DAGLA: variants seen among roughly 807,000 people sequenced by gnomAD.
DAGLA encodes the protein diacylglycerol lipase alpha.
In DAGLA, 22 loss-of-function variants were observed where a neutral mutation model predicts 102.6. That is an observed-to-expected ratio of 0.21 (90% CI 0.15 to 0.31). The LOEUF is 0.31. DAGLA is among the 10% of genes least tolerant of loss of function. The pLI is 1.00. For synonymous variants in DAGLA, 578 were observed against 628.9 expected (o/e 0.92, Z 1.21); for missense variants, 927 against 1,446.6 (o/e 0.64, Z 5.83).
intron 7 of DAGLA, among the ~76,000 whole-genome samples, 181 bp downstream of exon 7, chr11:61,728,468 C>G (rs1489289372): frequency 1.3e-5 from 2 of 152,218 alleles, no homozygotes; most frequent in Non-Finnish European, 2.9e-5. Flanking sequence ...TGAGCTTGTC[C>G]TTCGGCCAGG....
At chr11:61,716,089 T>G (rs997461288) in intron 1 of DAGLA, among the ~76,000 whole-genome samples, 1 of 151,938 alleles carries the variant, frequency 6.6e-6, no homozygotes. Context: ...CCCTTGTGAC[T>G]GGGAGGGGAG....
intron 1 of DAGLA, among the ~76,000 whole-genome samples, chr11:61,715,669 A>C (rs1221553920): frequency 2.0e-5 from 3 of 151,718 alleles, no homozygotes; most frequent in African/African-American, 7.3e-5. Flanking sequence ...CTGTTTGCTC[A>C]CTCCAGCCCT....
At chr11:61,721,726 T>A (rs2065284806) in intron 3 of DAGLA, among the ~76,000 whole-genome samples, 1 of 152,220 alleles carries the variant, frequency 6.6e-6, no homozygotes, top group South Asian at 2.1e-4. Context: ...TCTGGTCATT[T>A]GTAGTGAACA....
intron 1 of DAGLA, among the ~76,000 whole-genome samples, chr11:61,698,719 G>A (rs956708050): frequency 3.3e-5 from 5 of 152,210 alleles, no homozygotes; most frequent in Non-Finnish European, 5.9e-5. Flanking sequence ...TTGAGCAGCT[G>A]CTAGGCACCA....
chr11:61,732,507 GC>G (rs1442509764), intron 9 of DAGLA, among the ~76,000 whole-genome samples: 1 of 152,192 alleles, frequency 6.6e-6, no homozygotes, highest in Non-Finnish European at 1.5e-5. Flanking sequence ...AGCTCTTAGA[GC>G]CTTTGTTTCC....
chr11:61,746,798 G>A lies in DAGLA; in HGVS notation c.*2309G>A, dbSNP rs1462565038. The A allele has an allele frequency of 6.6e-6, 1 of 152,576 alleles. No homozygotes were observed. The highest frequency in any genetic ancestry group is 1.5e-5 in the Non-Finnish European group (1 of 68,046). The allele number at this position is 152,576 out of a possible 1,614,324, so 9.5% of individuals were successfully genotyped here. ...GGCGACTCCATATGCAATCAGTAGC[G>A]AGCAGCCGGGCCCCACAGACCCTCA... On this transcript the variant is annotated 3_prime_UTR_variant, in exon 20 of 20. Transcript: ENST00000257215.
rs908427222 is a variant in DAGLA at position 61,734,160 on chromosome 11, C to G, written c.975-689C>G. On this transcript the variant is annotated intron_variant, in intron 9 of 19. Transcript: ENST00000257215. The surrounding 1 kb of genome is among the most constrained non-coding windows in gnomAD (Gnocchi z 4.2). ...GCCACCATGACAGTCCCAGGCAGAG[C>G]TGCCAGGGCAGGGGTAGGGGAGGTG... is the stretch of plus-strand genomic sequence containing the variant. Among the ~76,000 whole-genome samples, 1 of 152,062 alleles carries G rather than the reference C, an allele frequency of 6.6e-6. No individual in the cohort carries two copies. Among genetic ancestry groups the G allele is most frequent in the Non-Finnish European group, 1.5e-5 (1 of 68,012 alleles).
At chr11:61,735,709 G>A (rs750122634) in intron 11 of DAGLA, 30 bp from the exon 12 acceptor site, 39 of 1,611,996 alleles carry the variant, frequency 2.4e-5, no homozygotes, top group Admixed American at 1.3e-4. Context: ...CTCTTTAGCC[G>A]CCCCCTCACC....
chr11:61,715,566 A>G (rs368129764), intron 1 of DAGLA, among the ~76,000 whole-genome samples: 2 of 152,282 alleles, frequency 1.3e-5, no homozygotes, highest in African/African-American at 4.8e-5. Flanking sequence ...CCCACAGGGT[A>G]CCTTAGGACG....
intron 1 of DAGLA, among the ~76,000 whole-genome samples, chr11:61,696,370 TC>T (rs2065065268): frequency 6.6e-6 from 1 of 151,864 alleles, no homozygotes; most frequent in Non-Finnish European, 1.5e-5. Context: ...TGCCTTCCAC[TC>T]CCAGTGGACC....
At chr11:61,709,767 TC>T (rs1354743122) in intron 1 of DAGLA, among the ~76,000 whole-genome samples, 1 of 151,958 alleles carries the variant, frequency 6.6e-6, no homozygotes, top group Non-Finnish European at 1.5e-5. Flanking sequence ...CAGAACCTCT[TC>T]CCCTGGGGAA....
At chr11:61,708,427 C>T (rs2065167459) in intron 1 of DAGLA, among the ~76,000 whole-genome samples, 1 of 151,940 alleles carries the variant, frequency 6.6e-6, no homozygotes, top group African/African-American at 2.4e-5. Context: ...GTCGCCCAGG[C>T]TTGAGTGCAG....
chr11:61,724,902 C>G (rs2065311662), intron 5 of DAGLA, among the ~76,000 whole-genome samples: 1 of 152,242 alleles, frequency 6.6e-6, no homozygotes, highest in East Asian at 1.9e-4. Context: ...TGCACCCTTC[C>G]CTACCTGCCT....
intron 16 of DAGLA, 65 bp downstream of exon 16, chr11:61,738,272 C>T (rs566300683): frequency 2.1e-5 from 29 of 1,393,514 alleles, no homozygotes; most frequent in South Asian, 4.8e-5. Flanking sequence ...TGACCCCCAC[C>T]GGTTTCTTGG....
Position 61,735,831 on chromosome 11 carries a change from G to T in DAGLA, c.1290+15G>T, listed in dbSNP as rs770361102. ...TGGGCCACAAGGTAACCCACGTCAT[G>T]GACCCCAGGGCCCCTGGGCTTCTTT... On this transcript the variant is annotated intron_variant, in intron 12 of 19. Coordinates refer to ENST00000257215, the MANE Select transcript of DAGLA (RefSeq NM_006133.3). 5 of 1,598,754 alleles carry T rather than the reference G, an allele frequency of 3.1e-6. No individual in the cohort carries two copies. Among genetic ancestry groups the T allele is most frequent in the Admixed American group, 1.7e-5 (1 of 58,638 alleles).
intron 1 of DAGLA, among the ~76,000 whole-genome samples, chr11:61,719,599 C>T (rs568176101): frequency 6.6e-6 from 1 of 152,378 alleles, no homozygotes; most frequent in South Asian, 2.1e-4. Flanking sequence ...GTCCCAGCTG[C>T]CAACCATACA....
intron 16 of DAGLA, among the ~76,000 whole-genome samples, chr11:61,738,576 G>A (rs1169675535): frequency 1.3e-5 from 2 of 152,242 alleles, no homozygotes; most frequent in African/African-American, 2.4e-5. Context: ...GGCCTCTGCC[G>A]AAGCCTCTGA....
In DAGLA at chr11:61,684,586, G is replaced by A. The variant is rs1054287433; in HGVS notation, c.-45+4082G>A. Among the ~76,000 whole-genome samples, 1 of 152,134 alleles carries A rather than the reference G, an allele frequency of 6.6e-6. No homozygotes were observed. Among genetic ancestry groups the A allele is most frequent in the African/African-American group, 2.4e-5 (1 of 41,418 alleles). On this transcript the variant is annotated intron_variant, in intron 1 of 19. Coordinates refer to ENST00000257215, the MANE Select transcript of DAGLA (RefSeq NM_006133.3). The surrounding 1 kb of genome is among the most constrained non-coding windows in gnomAD (Gnocchi z 4.5). ...GGGAGATGCCGTGGAGGGGATTGGT[G>A]TGACCACGGGTAAGGGTGTTTTCAT...
intron 17 of DAGLA, 122 bp from the exon 18 acceptor site, chr11:61,740,341 C>A: frequency 7.5e-7 from 1 of 1,326,064 alleles, no homozygotes; most frequent in Non-Finnish European, 1.0e-6. Context: ...CCAGGCAGGC[C>A]AGGGGCCTCC....
Sources: gnomAD v4.1 joint callset for allele counts (sites outside exome capture counted in the v4.1 genomes callset) on GRCh38, gnomAD v4.1.1 for gene constraint, Gnocchi (gnomAD v3.1) non-coding constraint, MANE v1.5 for transcripts, NCBI Gene and HGNC (gene_info 2026-07-23, HGNC 2026-07-21) for gene names.